The following NWD2 variants were observed in gnomAD, a reference collection of about 807,000 sequenced individuals.
The protein encoded by NWD2 is NACHT and WD repeat domain containing 2.
NWD2 carries 37 observed loss-of-function variants against 132.7 expected under a neutral mutation model. The observed-to-expected ratio is 0.28, with a 90% confidence interval of 0.21 to 0.37. The LOEUF (loss-of-function observed/expected upper bound fraction) is 0.37. Among genes scored for constraint, NWD2 ranks in the 10% least tolerant of loss-of-function variants. The probability of loss-of-function intolerance (pLI) is 1.00; values close to 1 mark genes in which losing one functional copy is unlikely to be tolerated. For missense variants in NWD2, 1,592 were observed against 2,122.4 expected, an observed-to-expected ratio of 0.75 and a Z score of 4.91; for synonymous variants, 705 against 803.0, an observed-to-expected ratio of 0.88 and a Z score of 2.06.
At chr4:37,413,676 GTT>G (rs1388670784) in intron 3 of NWD2, among the ~76,000 whole-genome samples, 1 of 152,138 alleles carries the variant, frequency 6.6e-6, no homozygotes, top group Admixed American at 6.5e-5. Context: ...GCACACATAT[GTT>G]TATTGCGGTG....
intron 2 of NWD2, among the ~76,000 whole-genome samples, chr4:37,326,246 G>A (rs1014092847): frequency 1.3e-5 from 2 of 152,014 alleles, no homozygotes; most frequent in Admixed American, 1.3e-4. Context: ...TTCCTGGTAT[G>A]GGCTCATCTT....
intron 2 of NWD2, among the ~76,000 whole-genome samples, chr4:37,342,565 G>A (rs1189757211): frequency 6.6e-6 from 1 of 152,124 alleles, no homozygotes; most frequent in Non-Finnish European, 1.5e-5. Context: ...TTTATGCAGT[G>A]AATTTTTCCA....
chr4:37,355,969 C>A (rs74451199), intron 2 of NWD2, among the ~76,000 whole-genome samples: 4,000 of 151,696 alleles, frequency 0.026, 178 homozygotes, highest in African/African-American at 0.092. Flanking sequence ...ATTATGGTTT[C>A]TTTTCTCAAA....
chr4:37,438,740 G>T, intron 5 of NWD2, 61 bp from the exon 6 acceptor site: 1 of 1,115,060 alleles, frequency 9.0e-7, no homozygotes. Flanking sequence ...TGACTATTGA[G>T]AATGTGGGTG....
chr4:37,287,344 C>CGG (rs139099100), intron 1 of NWD2, among the ~76,000 whole-genome samples: 16 of 152,104 alleles, frequency 1.1e-4, no homozygotes, highest in Non-Finnish European at 1.9e-4. Flanking sequence ...CTTTTTGCGA[C>CGG]GGGGGGCAGC....
At chr4:37,276,258 A>G (rs1223756231) in intron 1 of NWD2, among the ~76,000 whole-genome samples, 1 of 152,102 alleles carries the variant, frequency 6.6e-6, no homozygotes, top group Non-Finnish European at 1.5e-5. Context: ...TACAAGAAAA[A>G]AACAAACAAC....
intron 1 of NWD2, among the ~76,000 whole-genome samples, chr4:37,309,383 A>T (rs889542502): frequency 2.6e-5 from 4 of 152,126 alleles, no homozygotes; most frequent in African/African-American, 9.7e-5. Context: ...CCTTGGGTAC[A>T]GGCCACTGCA....
At chr4:37,298,011 A>G (rs1718534493) in intron 1 of NWD2, among the ~76,000 whole-genome samples, 1 of 152,150 alleles carries the variant, frequency 6.6e-6, no homozygotes, top group African/African-American at 2.4e-5. Context: ...AACACGCCAC[A>G]GGGAACTGGT....
chr4:37,418,682 A>C (rs1259924611), intron 3 of NWD2, among the ~76,000 whole-genome samples: 1 of 151,884 alleles, frequency 6.6e-6, no homozygotes. Context: ...TATAAATCCC[A>C]TAATGGGATT....
rs1250678025 is a variant in NWD2 at position 37,359,247 on chromosome 4, A to C, written c.357+2765A>C. 6.6e-5 allele frequency among the ~76,000 whole-genome samples: 10 copies of C among 152,164 alleles called. No individual in the cohort carries two copies. In the East Asian group the frequency reaches 1.9e-3, roughly 29 times the overall value. ...GCAACATCTTTATTGAGCATAAACA[A>C]ATCATTTATCCCTCCTTCTGCTCCC... On this transcript the variant is annotated intron_variant, in intron 3 of 6. Transcript: ENST00000309447.
chr4:37,435,447 T>A (rs1458927725), intron 5 of NWD2, among the ~76,000 whole-genome samples: 1 of 152,208 alleles, frequency 6.6e-6, no homozygotes, highest in Non-Finnish European at 1.5e-5. Context: ...TCGTCAGGAA[T>A]AAGTACTGTA....
At chr4:37,336,081 T>C (rs1480611110) in intron 2 of NWD2, among the ~76,000 whole-genome samples, 2 of 151,782 alleles carry the variant, frequency 1.3e-5, no homozygotes, top group Non-Finnish European at 2.9e-5. Flanking sequence ...AATGTTTTTA[T>C]TTTTTTTCTG....
chr4:37,273,947 T>C (rs183157061), intron 1 of NWD2, among the ~76,000 whole-genome samples: 154 of 151,850 alleles, frequency 1.0e-3, no homozygotes, highest in African/African-American at 3.6e-3. Context: ...AGAGGGAAAT[T>C]TATAGCACTA....
chr4:37,351,627 G>C (rs1397816991), intron 2 of NWD2, among the ~76,000 whole-genome samples: 1 of 152,016 alleles, frequency 6.6e-6, no homozygotes, highest in Non-Finnish European at 1.5e-5. Flanking sequence ...CAAAAAAACA[G>C]CTCCTGGATT....
chr4:37,303,270 A>G (rs1323760490), intron 1 of NWD2, among the ~76,000 whole-genome samples: 1 of 151,984 alleles, frequency 6.6e-6, no homozygotes, highest in Non-Finnish European at 1.5e-5. Flanking sequence ...AAATACATGG[A>G]TTTATTTCTG....
chr4:37,288,327 A>G (rs1342295895), intron 1 of NWD2, among the ~76,000 whole-genome samples: 1 of 152,248 alleles, frequency 6.6e-6, no homozygotes, highest in East Asian at 1.9e-4. Flanking sequence ...AGTGCGAAAT[A>G]TTTTATGTGG....
intron 1 of NWD2, among the ~76,000 whole-genome samples, chr4:37,311,002 A>G (rs1024421386): frequency 1.3e-5 from 2 of 151,850 alleles, no homozygotes; most frequent in Admixed American, 1.3e-4. Context: ...CATTGTGTAT[A>G]TGTGCCACAT....
intron 2 of NWD2, among the ~76,000 whole-genome samples, chr4:37,351,023 A>T (rs940559683): frequency 6.6e-6 from 1 of 152,128 alleles, no homozygotes; most frequent in African/African-American, 2.4e-5. Flanking sequence ...CATCCCAGGG[A>T]TGAAGCTGAC....
intron 3 of NWD2, among the ~76,000 whole-genome samples, chr4:37,428,333 G>T (rs1246071776): frequency 6.6e-6 from 1 of 152,184 alleles, no homozygotes; most frequent in African/African-American, 2.4e-5. Flanking sequence ...GAGGAAAGAA[G>T]AAAAATGCCC....
Sources: allele counts gnomAD v4.1 joint callset (sites outside exome capture counted in the v4.1 genomes callset), GRCh38; gene constraint gnomAD v4.1.1; transcripts MANE v1.5; gene names NCBI Gene and HGNC (gene_info 2026-07-23, HGNC 2026-07-21).